The following SLC18A1 variants were observed in gnomAD, a reference collection of about 807,000 sequenced individuals.
The protein encoded by SLC18A1 is solute carrier family 18 member A1.
A neutral mutation model predicts 53.7 loss-of-function variants in SLC18A1; 69 were observed. The observed-to-expected ratio is 1.28, with a 90% CI of 1.06 to 1.57. The LOEUF (loss-of-function observed/expected upper bound fraction) is 1.57. SLC18A1 is among the 40% of genes most tolerant of loss of function. The pLI is 0.00. For synonymous variants in SLC18A1, 320 were observed against 248.1 expected (o/e 1.29, Z -2.72); for missense variants, 932 against 668.1 (o/e 1.40, Z -4.35).
In SLC18A1 at chr8:20,179,226, C is replaced by T. The variant is rs779296806; in HGVS notation, c.383G>A (p.Gly128Asp). 6 of 1,614,170 alleles carry T rather than the reference C, an allele frequency of 3.7e-6. No homozygotes were observed. Among genetic ancestry groups the T allele is most frequent in the African/African-American group, 1.3e-5 (1 of 75,020 alleles). ...AATCTCTTCCTCCAAGAAACCTGTG[C>T]CTTGCAAGCAGTTGTTTTTATGAGC... Reference protein sequence around the residue: ...ISAHKNNCLQGTGFLEEEITR... With the variant: ...ISAHKNNCLQDTGFLEEEITR... The change falls in exon 3 of 16, where the codon GGC becomes GAC. Residue 128 changes from glycine to aspartate, a missense_variant. Gly to Asp is a moderately conservative substitution (Grantham distance 94). Transcript: ENST00000276373.
In SLC18A1 at chr8:20,177,879, T is replaced by C. The variant is rs368133563; in HGVS notation, c.547+556A>G. 3.3e-5 allele frequency among the ~76,000 whole-genome samples: 5 copies of C among 152,320 alleles called. No individual in the cohort carries two copies. The East Asian group carries it at 7.7e-4, about 24-fold the overall frequency. ...CTCCATTTTATTAGAAACATTTAGC[T>C]GATCCTGGATAGAGTATTTGTCTTT... On this transcript the variant is annotated intron_variant, in intron 4 of 15. Coordinates refer to ENST00000276373, the MANE Select transcript of SLC18A1 (RefSeq NM_003053.4).
rs202033958 is a variant in SLC18A1, at chr8:20,164,884, G to C, written c.1000C>G (p.Pro334Ala). 3 of 1,610,450 alleles carry C rather than the reference G, an allele frequency of 1.9e-6. No homozygotes were observed. Among genetic ancestry groups the C allele is most frequent in the Non-Finnish European group, 2.5e-6 (3 of 1,177,064 alleles). Residue 334 changes from proline (P) to alanine (A), a missense_variant, in exon 10 of 16, where the codon CCC becomes GCC. Pro to Ala is a conservative substitution (Grantham distance 27). Coordinates refer to ENST00000276373, the MANE Select transcript of SLC18A1 (RefSeq NM_003053.4). ...GGTCACTTACCCAGCTGCCACTTGG[G>C]GGAGCACATGGTCTGCATCATCCAG... Reference protein sequence around the residue: ...PIWMMQTMCSPKWQLGLAFLP... With the variant: ...PIWMMQTMCSAKWQLGLAFLP...
chr8:20,176,640 T>A (rs189358696), intron 4 of SLC18A1, among the ~76,000 whole-genome samples: 1 of 152,232 alleles, frequency 6.6e-6, no homozygotes, highest in East Asian at 1.9e-4. Context: ...GTAACGGGCA[T>A]CAACAATCTC....
chr8:20,155,128 AC>A (rs1327237337), intron 10 of SLC18A1, among the ~76,000 whole-genome samples: 3 of 152,124 alleles, frequency 2.0e-5, no homozygotes, highest in African/African-American at 7.2e-5. Context: ...GAGGCCAAGA[AC>A]CCCAGGTCAG....
Position 20,180,991 on chromosome 8 carries a change from C to A in SLC18A1, c.-27G>T, listed in dbSNP as rs1245652936. On this transcript the variant is annotated 5_prime_UTR_variant, in exon 2 of 16. Transcript: ENST00000276373. The stretch of plus-strand genomic sequence containing the variant: ...GTGATGGCCGGACTGGGGCAGTCTT[C>A]CCCTGCGGGCTCTTAGGGAAGGTCC... 3 of 1,553,762 alleles carry A rather than the reference C, an allele frequency of 1.9e-6. No homozygotes were observed. Among genetic ancestry groups the A allele is most frequent in the African/African-American group, 1.4e-5 (1 of 73,274 alleles).
At chr8:20,159,840 A>G (rs891833209) in intron 10 of SLC18A1, among the ~76,000 whole-genome samples, 3 of 152,072 alleles carry the variant, frequency 2.0e-5, no homozygotes, top group African/African-American at 7.2e-5. Flanking sequence ...ATAACTCGTG[A>G]GTGGCATGTC....
At chr8:20,148,816 T>C (rs1416272914) in intron 12 of SLC18A1, among the ~76,000 whole-genome samples, 1 of 152,202 alleles carries the variant, frequency 6.6e-6, no homozygotes, top group Non-Finnish European at 1.5e-5. Context: ...GAAATGTTTA[T>C]AAATTATCAA....
chr8:20,173,141 T>G lies in SLC18A1; in HGVS notation c.632-13A>C. ...AGCATTCCAAGACCTGCGCAGAGAG[T>G]TACAGATGCAGCTGGCCCCCTGGGG... On this transcript the variant is annotated splice_polypyrimidine_tract_variant and intron_variant, in intron 5 of 15. Coordinates refer to ENST00000276373, the MANE Select transcript of SLC18A1 (RefSeq NM_003053.4). The G allele has an allele frequency of 6.4e-7, 1 of 1,557,692 alleles. No homozygotes were observed. Among genetic ancestry groups the G allele is most frequent in the Non-Finnish European group, 8.7e-7 (1 of 1,150,742 alleles).
chr8:20,160,438 A>G (rs1476169734), intron 10 of SLC18A1, among the ~76,000 whole-genome samples: 1 of 151,796 alleles, frequency 6.6e-6, no homozygotes, highest in Non-Finnish European at 1.5e-5. Flanking sequence ...GCTCCAGAAT[A>G]TGTATTTATA....
chr8:20,181,195 G>T, intron 1 of SLC18A1, 108 bp from the exon 2 acceptor site: 3 of 370,056 alleles, frequency 8.1e-6, no homozygotes, highest in South Asian at 4.5e-5. Context: ...AACTCTACCT[G>T]GTTCCCAGAA....
At position 20,145,756 on chromosome 8, in the gene SLC18A1, T is replaced by C. The variant is rs778986195; in HGVS notation, c.*7A>G. The C allele has an allele frequency of 1.7e-5, 27 of 1,571,580 alleles. No homozygotes were observed. The highest frequency in any genetic ancestry group is 2.3e-5 in the Non-Finnish European group (26 of 1,146,718). On this transcript the variant is annotated 3_prime_UTR_variant, in exon 16 of 16. Coordinates refer to ENST00000276373, the MANE Select transcript of SLC18A1 (RefSeq NM_003053.4). ...GGCATCATGAATTCAAGGAGCACCT[T>C]CTGCTGCTACTCCTCATGGTCAGGC...
intron 13 of SLC18A1, 124 bp from the exon 14 acceptor site, chr8:20,147,846 A>G: frequency 6.7e-7 from 1 of 1,485,740 alleles, no homozygotes; most frequent in Non-Finnish European, 9.1e-7. Context: ...CACCTGTTCC[A>G]GGTGGGAATT....
intron 2 of SLC18A1, 46 bp downstream of exon 2, chr8:20,180,795 G>C: frequency 6.2e-7 from 1 of 1,609,306 alleles, no homozygotes; most frequent in African/African-American, 1.3e-5. Flanking sequence ...CTGCCTGCTG[G>C]GGCCCACAGC....
Position 20,147,677 on chromosome 8 carries a change from T to C in SLC18A1, c.1256A>G (p.Asp419Gly). 1 of 1,613,876 alleles carries C rather than the reference T, an allele frequency of 6.2e-7. No individual in the cohort carries two copies. The highest frequency in any genetic ancestry group is 1.1e-5 in the South Asian group (1 of 91,012). The change falls in exon 14 of 16, where the codon GAT becomes GGT. Residue 419 changes from aspartate to glycine, a missense_variant. Transcript: ENST00000276373. ...SMMPIMGHLVDLRHTSVYGSV... is the reference protein window; with the variant it reads ...SMMPIMGHLVGLRHTSVYGSV... Reference sequence around the variant, plus strand: ...CCCATACACCGAGGTGTGGCGTAGATCCACCAGGTGCCCCATGATGGGCAT... The same window carrying C: ...CCCATACACCGAGGTGTGGCGTAGACCCACCAGGTGCCCCATGATGGGCAT...
intron 1 of SLC18A1, chr8:20,181,974 T>C (rs965840594): frequency 6.6e-6 from 1 of 152,234 alleles, no homozygotes; most frequent in African/African-American, 2.4e-5. Flanking sequence ...AAATATTGAC[T>C]TTCATGATTA....
In SLC18A1 at chr8:20,179,225, G is replaced by C; in HGVS notation, c.384C>G (p.Gly128=). The change falls in exon 3 of 16, where the codon GGC becomes GGG. Residue 128 remains glycine, a synonymous_variant. Coordinates refer to ENST00000276373, the MANE Select transcript of SLC18A1 (RefSeq NM_003053.4). ...TAATCTCTTCCTCCAAGAAACCTGT[G>C]CCTTGCAAGCAGTTGTTTTTATGAG... ...ISAHKNNCLQ[G]TGFLEEEITR... The C allele has an allele frequency of 6.2e-7, 1 of 1,614,186 alleles. No homozygotes were observed. Among genetic ancestry groups the C allele is most frequent in the Non-Finnish European group, 8.5e-7 (1 of 1,180,042 alleles).
intron 2 of SLC18A1, 64 bp downstream of exon 2, chr8:20,180,777 G>C: frequency 6.3e-7 from 1 of 1,599,044 alleles, no homozygotes; most frequent in Non-Finnish European, 8.6e-7. Context: ...ACTCAAGCAG[G>C]GTGTACACTG....
At chr8:20,150,343 A>G (rs1055512287) in intron 11 of SLC18A1, among the ~76,000 whole-genome samples, 2 of 152,178 alleles carry the variant, frequency 1.3e-5, no homozygotes, top group Non-Finnish European at 2.9e-5. Flanking sequence ...CTACTTTCCC[A>G]AAGTACTGCA....
In SLC18A1 at chr8:20,145,106, T is replaced by C. The variant is rs1169870397; in HGVS notation, c.*657A>G. ...GTCAATAACTCCAGCAGAAGAGAAA[T>C]GGGCTCCTGTTTCTGAAAGATAATG... On this transcript the variant is annotated 3_prime_UTR_variant, in exon 16 of 16. Coordinates refer to ENST00000276373, the MANE Select transcript of SLC18A1 (RefSeq NM_003053.4). 1 of 151,812 alleles carries C rather than the reference T, an allele frequency of 6.6e-6. No homozygotes were observed. Among genetic ancestry groups the C allele is most frequent in the Non-Finnish European group, 1.5e-5 (1 of 67,984 alleles). The allele number at this position is 151,812 out of a possible 1,614,324, so 9.4% of individuals were successfully genotyped here. A position where few individuals can be genotyped will look rare whatever the true frequency, so the allele number is the denominator to read the frequency against.
Sources: allele counts gnomAD v4.1 joint callset (sites outside exome capture counted in the v4.1 genomes callset), GRCh38; gene constraint gnomAD v4.1.1; transcripts MANE v1.5; gene names NCBI Gene and HGNC (gene_info 2026-07-23, HGNC 2026-07-21).